Variants in SNX11 observed in about 807,000 individuals in gnomAD.
SNX11 encodes the protein sorting nexin 11.
Under a neutral mutation model 30.7 loss-of-function variants are expected in SNX11, and 19 were observed. That is an observed-to-expected ratio of 0.62 (90% CI 0.43 to 0.91). SNX11 has a LOEUF of 0.91. Ranked by LOEUF, SNX11 falls within the 40% of genes least tolerant of loss-of-function variation. The probability of loss-of-function intolerance (pLI) is 0.00; values close to 1 mark genes in which losing one functional copy is unlikely to be tolerated. For missense variants in SNX11, 302 were observed against 326.7 expected (o/e 0.92, Z 0.58); for synonymous variants, 112 against 119.0 (o/e 0.94, Z 0.38).
intron 1 of SNX11, chr17:48,111,052 C>T (rs2063487251): frequency 5.1e-6 from 5 of 977,808 alleles, no homozygotes; most frequent in East Asian, 1.1e-4. Flanking sequence ...AGGAGCAGAA[C>T]GCATCCTGAG....
intron 1 of SNX11, among the ~76,000 whole-genome samples, chr17:48,108,523 G>A (rs1474617226): frequency 6.6e-6 from 1 of 152,196 alleles, no homozygotes; most frequent in African/African-American, 2.4e-5. Context: ...GTTTAAATGG[G>A]AGAGAAAATA....
intron 4 of SNX11, among the ~76,000 whole-genome samples, 181 bp from the exon 5 acceptor site, chr17:48,118,523 A>G (rs2063566897): frequency 6.6e-6 from 1 of 151,288 alleles, no homozygotes; most frequent in Non-Finnish European, 1.5e-5. Context: ...CGTTGCAGTA[A>G]GCCGAGATTG....
intron 5 of SNX11, 35 bp from the exon 6 acceptor site, chr17:48,118,939 G>A: frequency 6.2e-7 from 1 of 1,600,306 alleles, no homozygotes; most frequent in Non-Finnish European, 8.6e-7. Flanking sequence ...TCCTCAGGGT[G>A]ATGCTCTGTG....
Position 48,121,414 on chromosome 17 carries a change from G to C in SNX11, c.719G>C (p.Gly240Ala). 1 of 1,614,202 alleles carries C rather than the reference G, an allele frequency of 6.2e-7. No homozygotes were observed. Among genetic ancestry groups the C allele is most frequent in the Non-Finnish European group, 8.5e-7 (1 of 1,180,040 alleles). ...LCCDFGRPKEGTSTLQSVRRA... is the reference protein window; with the variant it reads ...LCCDFGRPKEATSTLQSVRRA... ...TGTGATTTTGGAAGACCCAAAGAGG[G>C]AACCTCCACTCTTCAGTCTGTGAGG... The change falls in exon 7 of 7, where the codon GGA (glycine) becomes GCA (alanine). Residue 240 changes from glycine to alanine, a missense_variant. Transcript: ENST00000359238.
At chr17:48,117,379 C>T (rs2063556629) in intron 4 of SNX11, among the ~76,000 whole-genome samples, 1 of 151,854 alleles carries the variant, frequency 6.6e-6, no homozygotes, top group East Asian at 1.9e-4. Context: ...CTCAGCCTCC[C>T]GAGTAGTTGG....
chr17:48,122,095 C>G lies in SNX11; in HGVS notation c.*587C>G, dbSNP rs2063608190. 6.5e-6 allele frequency: 1 copy of G among 154,986 alleles called. No individual in the cohort carries two copies. The highest frequency in any genetic ancestry group is 2.4e-5 in the African/African-American group (1 of 41,444). The allele number at this position is 154,986 out of a possible 1,614,324, so 9.6% of individuals were successfully genotyped here. ...ACTCCTGCTGCTGGGGATTTATGTC[C>G]CGAGACCTTAGCCTGGCTGAGTGGA... On this transcript the variant is annotated 3_prime_UTR_variant, in exon 7 of 7. Coordinates refer to ENST00000359238, the MANE Select transcript of SNX11 (RefSeq NM_013323.3).
chr17:48,120,675 ATT>A (rs534917108), intron 6 of SNX11, among the ~76,000 whole-genome samples: 1 of 150,136 alleles, frequency 6.7e-6, no homozygotes, highest in Non-Finnish European at 1.5e-5. Flanking sequence ...TGCCCGGCTA[ATT>A]TTTTTTGTAT....
chr17:48,113,457 G>C, intron 4 of SNX11, 56 bp downstream of exon 4: 1 of 1,216,808 alleles, frequency 8.2e-7, no homozygotes, highest in Non-Finnish European at 1.2e-6. Context: ...GGGTGCTTAT[G>C]TAGGAACTGG....
rs748096620 is a variant in SNX11, at chr17:48,112,636, T to C, written c.105T>C (p.Tyr35=). The part of the protein sequence containing the change: ...RVQNEGSWNS[Y]VDYKIFLHTN... ...AGAATGAGGGCTCCTGGAACTCTTA[T>C]GTGGATTATAAGATATTCCTCCATG... The change falls in exon 3 of 7, where the codon TAT becomes TAC. Residue 35 remains tyrosine, a synonymous_variant. Transcript: ENST00000359238. 1.9e-5 allele frequency: 30 copies of C among 1,613,224 alleles called. No homozygotes were observed. The Middle Eastern group carries it at 2.3e-3, about 125-fold the overall frequency.
In SNX11 at chr17:48,122,063, T is replaced by C. The variant is rs372267562; in HGVS notation, c.*555T>C. The C allele has an allele frequency of 3.9e-5, 6 of 155,632 alleles. No homozygotes were observed. The highest frequency in any genetic ancestry group is 1.2e-4 in the African/African-American group (5 of 41,468). The allele number at this position is 155,632 out of a possible 1,614,324, so 9.6% of individuals were successfully genotyped here. A position where few individuals can be genotyped will look rare whatever the true frequency, so the allele number is the denominator to read the frequency against. ...CACTGATACCACTGAATGGAACTGGTGCTGTGACTCCTGCTGCTGGGGATT... is the reference window on the plus strand; with the variant it reads ...CACTGATACCACTGAATGGAACTGGCGCTGTGACTCCTGCTGCTGGGGATT... On this transcript the variant is annotated 3_prime_UTR_variant, in exon 7 of 7. Transcript: ENST00000359238.
chr17:48,110,749 A>G (rs952803090), intron 1 of SNX11: 1 of 152,688 alleles, frequency 6.5e-6, no homozygotes, highest in African/African-American at 2.4e-5. Flanking sequence ...TATTGGCTGA[A>G]GTCAGTTTTC....
chr17:48,119,932 C>G lies in SNX11; in HGVS notation c.539+746C>G, dbSNP rs372820520. ...GACTCCCCTGTCCTTCCCTCCCCCC[C>G]AGCTCCTGGCAACCACTAGTCTACT... is the stretch of plus-strand genomic sequence containing the variant. On this transcript the variant is annotated intron_variant, in intron 6 of 6. Coordinates refer to ENST00000359238, the MANE Select transcript of SNX11 (RefSeq NM_013323.3). 9.2e-5 allele frequency among the ~76,000 whole-genome samples: 14 copies of G among 152,300 alleles called. No homozygotes were observed. The East Asian group carries it at 1.4e-3, about 15-fold the overall frequency.
intron 4 of SNX11, among the ~76,000 whole-genome samples, chr17:48,116,927 A>G (rs1156636485): frequency 6.8e-6 from 1 of 147,934 alleles, no homozygotes; most frequent in Non-Finnish European, 1.5e-5. Context: ...GAGTGTTTGC[A>G]GTGGCACGAT....
At chr17:48,120,633 C>T (rs1355970018) in intron 6 of SNX11, among the ~76,000 whole-genome samples, 1 of 151,174 alleles carries the variant, frequency 6.6e-6, no homozygotes, top group Non-Finnish European at 1.5e-5. Context: ...CTCAGCCTCC[C>T]GAGTAGCTGG....
intron 1 of SNX11, among the ~76,000 whole-genome samples, chr17:48,108,975 C>T (rs563420032): frequency 6.6e-5 from 10 of 152,190 alleles, no homozygotes; most frequent in Non-Finnish European, 1.2e-4. Flanking sequence ...CTCTGTCGCC[C>T]AGGCTGGAGT....
chr17:48,112,729 AC>A, intron 3 of SNX11, 69 bp downstream of exon 3: 1 of 907,376 alleles, frequency 1.1e-6, no homozygotes, highest in Non-Finnish European at 1.7e-6. Context: ...CTGAGGTGTA[AC>A]CTTTTTTTTT....
chr17:48,111,951 C>A, intron 1 of SNX11, 80 bp from the exon 2 acceptor site: 2 of 1,207,892 alleles, frequency 1.7e-6, no homozygotes, highest in Non-Finnish European at 2.4e-6. Flanking sequence ...CTATTAAAAA[C>A]TTTCGGGGTT....
At chr17:48,118,513 C>T (rs1210893350) in intron 4 of SNX11, among the ~76,000 whole-genome samples, 191 bp from the exon 5 acceptor site, 1 of 149,590 alleles carries the variant, frequency 6.7e-6, no homozygotes, top group Admixed American at 6.8e-5. Context: ...GGGAGGCAGA[C>T]GTTGCAGTAA....
At chr17:48,120,889 C>T (rs1330266673) in intron 6 of SNX11, among the ~76,000 whole-genome samples, 1 of 136,518 alleles carries the variant, frequency 7.3e-6, no homozygotes, top group Admixed American at 8.7e-5. Context: ...TCAAATAATT[C>T]ACCATGCCCA....
Sources: allele counts gnomAD v4.1 joint callset (sites outside exome capture counted in the v4.1 genomes callset), GRCh38; gene constraint gnomAD v4.1.1; transcripts MANE v1.5; gene names NCBI Gene and HGNC (gene_info 2026-07-23, HGNC 2026-07-21).